Variants in ZDHHC21 observed in about 807,000 individuals in gnomAD.
ZDHHC21 encodes zDHHC palmitoyltransferase 21.
ZDHHC21 carries 15 observed loss-of-function variants against 34.6 expected under a neutral mutation model. The ratio of observed to expected loss-of-function variants is 0.43; its 90% confidence interval spans 0.29 to 0.67. ZDHHC21 has a LOEUF of 0.67. ZDHHC21 is among the 30% of genes least tolerant of loss of function. The pLI is 0.14. For synonymous variants in ZDHHC21, 142 were observed against 101.8 expected, an observed-to-expected ratio of 1.40 and a Z score of -2.38; for missense variants, 344 against 327.7, an observed-to-expected ratio of 1.05 and a Z score of -0.38.
rs549187484 is a variant in ZDHHC21 at position 14,674,220 on chromosome 9, C to G, written c.121G>C (p.Glu41Gln). ...IPKIVLFPHY[E>Q]EGHIPGILII... ...AATATGCCTGGAATATGTCCTTCTT[C>G]ATAGTGAGGAAAGAGGACAATTTTG... The change falls in exon 4 of 10, where the codon GAA (glutamate) becomes CAA (glutamine). Residue 41 changes from glutamate to glutamine, a missense_variant. By Grantham distance (29) the Glu-to-Gln change is conservative. Coordinates refer to ENST00000380916, the MANE Select transcript of ZDHHC21 (RefSeq NM_178566.6). The G allele has an allele frequency of 6.4e-7, 1 of 1,565,216 alleles. No homozygotes were observed. The highest frequency in any genetic ancestry group is 8.6e-7 in the Non-Finnish European group (1 of 1,160,336).
At chr9:14,649,527 A>G (rs1830852003) in intron 7 of ZDHHC21, among the ~76,000 whole-genome samples, 1 of 152,110 alleles carries the variant, frequency 6.6e-6, no homozygotes, top group African/African-American at 2.4e-5. Flanking sequence ...AGAAGTTACA[A>G]GCTTATTCTA....
chr9:14,608,654 A>G (rs976616412), downstream of ZDHHC21, among the ~76,000 whole-genome samples: 31 of 151,950 alleles, frequency 2.0e-4, 1 homozygote, highest in Middle Eastern at 3.4e-3. Flanking sequence ...AAGTTAGCTT[A>G]GATGTATTTT....
intron 2 of ZDHHC21, among the ~76,000 whole-genome samples, chr9:14,680,730 T>C (rs1012348423): frequency 2.0e-5 from 3 of 152,156 alleles, no homozygotes; most frequent in African/African-American, 7.2e-5. Context: ...CTATACCTAC[T>C]ATGCTTTAAC....
the ZDHHC21 span, among the ~76,000 whole-genome samples, chr9:14,597,557 C>T: frequency 6.6e-6 from 1 of 152,132 alleles, no homozygotes; most frequent in South Asian, 2.1e-4. Flanking sequence ...TTCAGGAGAC[C>T]CAGGGACCAG....
At position 14,612,507 on chromosome 9, in the gene ZDHHC21, A is replaced by AG. The variant is rs1361762162; in HGVS notation, c.*6458dup. 3 of 152,004 alleles carry AG rather than the reference A, an allele frequency of 2.0e-5. No homozygotes were observed. Among genetic ancestry groups the AG allele is most frequent in the Non-Finnish European group, 4.4e-5 (3 of 67,908 alleles). 9.4% of individuals were successfully genotyped at this position (152,004 alleles called of 1,614,324 possible). ...TGTTTTAAATTACGAGTACACTTAA[A>AG]GGGTGTTTCTCTTCATTTTTGTAAA... On this transcript the variant is annotated 3_prime_UTR_variant, in exon 10 of 10. Transcript: ENST00000380916.
chr9:14,664,258 G>C (rs1265388936), intron 5 of ZDHHC21, among the ~76,000 whole-genome samples: 2 of 152,096 alleles, frequency 1.3e-5, no homozygotes, highest in Non-Finnish European at 2.9e-5. Flanking sequence ...GGACGCACCT[G>C]GAAAATCGGG....
chr9:14,678,113 T>C (rs543978175), intron 3 of ZDHHC21, among the ~76,000 whole-genome samples: 79 of 152,202 alleles, frequency 5.2e-4, no homozygotes, highest in African/African-American at 1.9e-3. Flanking sequence ...CAACTCAGAC[T>C]TCAAGGCCAA....
chr9:14,616,130 C>T lies in ZDHHC21; in HGVS notation c.*2836G>A. ...TCATTTCAAAACTGAGTAAAATAAACTAAATGTAGTTTTTTAGATATTCAT... is the reference window on the plus strand; with the variant it reads ...TCATTTCAAAACTGAGTAAAATAAATTAAATGTAGTTTTTTAGATATTCAT... On this transcript the variant is annotated 3_prime_UTR_variant, in exon 10 of 10. Coordinates refer to ENST00000380916, the MANE Select transcript of ZDHHC21 (RefSeq NM_178566.6). 1 of 151,592 alleles carries T rather than the reference C, an allele frequency of 6.6e-6. No individual in the cohort carries two copies. The highest frequency in any genetic ancestry group is 1.9e-4 in the East Asian group (1 of 5,164). The allele number at this position is 151,592 out of a possible 1,614,324, so 9.4% of individuals were successfully genotyped here.
intron 8 of ZDHHC21, among the ~76,000 whole-genome samples, chr9:14,624,399 T>C (rs538309912): frequency 7.4e-4 from 112 of 152,228 alleles, no homozygotes; most frequent in African/African-American, 2.5e-3. Flanking sequence ...CTCTTCATAA[T>C]AGCCAAGATA....
At position 14,612,274 on chromosome 9, in the gene ZDHHC21, T is replaced by G. The variant is rs1375145822; in HGVS notation, c.*6692A>C. 6.6e-6 allele frequency: 1 copy of G among 151,980 alleles called. No individual in the cohort carries two copies. Among genetic ancestry groups the G allele is most frequent in the Non-Finnish European group, 1.5e-5 (1 of 67,940 alleles). The allele number at this position is 151,980 out of a possible 1,614,324, so 9.4% of individuals were successfully genotyped here. ...TATTGTATCTACATTCAAGGAGAGG[T>G]TGATTTTAGCTAACAATAATGCAAA... On this transcript the variant is annotated 3_prime_UTR_variant, in exon 10 of 10. Transcript: ENST00000380916.
chr9:14,615,640 G>A lies in ZDHHC21; in HGVS notation c.*3326C>T, dbSNP rs185631353. The A allele has an allele frequency of 2.6e-4, 39 of 151,712 alleles. No homozygotes were observed. Among genetic ancestry groups the A allele is most frequent in the African/African-American group, 8.9e-4 (37 of 41,480 alleles). 9.4% of individuals were successfully genotyped at this position (151,712 alleles called of 1,614,324 possible). A position where few individuals can be genotyped will look rare whatever the true frequency, so the allele number is the denominator to read the frequency against. ...ACTGCTCTGTAACTGAATGCCTACT[G>A]CTTGAAGGGTCCTGAACTCAGTCCA... On this transcript the variant is annotated 3_prime_UTR_variant, in exon 10 of 10. Transcript: ENST00000380916.
At chr9:14,609,317 G>GT (rs1435651364), downstream of ZDHHC21, among the ~76,000 whole-genome samples, 4 of 152,038 alleles carry the variant, frequency 2.6e-5, no homozygotes, top group Non-Finnish European at 4.4e-5. Context: ...TTGTGTGACT[G>GT]TTTGAGTTGC....
downstream of ZDHHC21, among the ~76,000 whole-genome samples, chr9:14,608,930 A>C (rs1290397328): frequency 6.6e-6 from 1 of 152,168 alleles, no homozygotes; most frequent in African/African-American, 2.4e-5. Context: ...GTAGGTGTGA[A>C]TCTGTAAAGG....
chr9:14,672,606 T>C (rs1208712582), intron 5 of ZDHHC21, among the ~76,000 whole-genome samples: 1 of 151,984 alleles, frequency 6.6e-6, no homozygotes, highest in East Asian at 1.9e-4. Flanking sequence ...TCATATGATA[T>C]GTGATACAGA....
chr9:14,597,920 C>T, the ZDHHC21 span, among the ~76,000 whole-genome samples: 1 of 152,104 alleles, frequency 6.6e-6, no homozygotes, highest in Non-Finnish European at 1.5e-5. Flanking sequence ...CATCAACATG[C>T]CCTCCCCCTC....
At chr9:14,690,267 T>A (rs1160301306) in intron 2 of ZDHHC21, 70 bp downstream of exon 2, 4 of 435,166 alleles carry the variant, frequency 9.2e-6, no homozygotes, top group Non-Finnish European at 1.8e-5. Flanking sequence ...TTAGATTTCC[T>A]TCACACCAGG....
the ZDHHC21 span, among the ~76,000 whole-genome samples, chr9:14,604,995 G>A: frequency 6.6e-6 from 1 of 152,066 alleles, no homozygotes; most frequent in Non-Finnish European, 1.5e-5. Flanking sequence ...ATTTCACTTA[G>A]CAAAATGTTG....
rs1457885064 is a variant in ZDHHC21, at chr9:14,612,518, C to CTTCATTTTT, written c.*6439_*6447dup. On this transcript the variant is annotated 3_prime_UTR_variant, in exon 10 of 10. Coordinates refer to ENST00000380916, the MANE Select transcript of ZDHHC21 (RefSeq NM_178566.6). ...ACGAGTACACTTAAAGGGTGTTTCT[C>CTTCATTTTT]TTCATTTTTGTAAAATTAACTACTA... is the stretch of plus-strand genomic sequence containing the variant. The CTTCATTTTT allele has an allele frequency of 6.6e-6, 1 of 151,896 alleles. No homozygotes were observed. Among genetic ancestry groups the CTTCATTTTT allele is most frequent in the Non-Finnish European group, 1.5e-5 (1 of 67,894 alleles). 9.4% of individuals were successfully genotyped at this position (151,896 alleles called of 1,614,324 possible).
intron 7 of ZDHHC21, among the ~76,000 whole-genome samples, chr9:14,657,631 AAGTAGCTGTTTTCC>A (rs893394440): frequency 6.6e-6 from 1 of 152,116 alleles, no homozygotes; most frequent in African/African-American, 2.4e-5. Flanking sequence ...AAACAAAAGA[AAGTAGCTGTTTTCC>A]AGTAAAACTT....
Sources: allele counts gnomAD v4.1 joint callset (sites outside exome capture counted in the v4.1 genomes callset), GRCh38; gene constraint gnomAD v4.1.1; transcripts MANE v1.5; gene names NCBI Gene and HGNC (gene_info 2026-07-23, HGNC 2026-07-21).